Variants in RXFP1 observed in about 807,000 individuals in gnomAD.
RXFP1 encodes the protein relaxin receptor 1.
In RXFP1, 73 loss-of-function variants were observed where a neutral mutation model predicts 89.8. The ratio of observed to expected loss-of-function variants is 0.81; its 90% CI spans 0.67 to 0.99. The LOEUF is 0.99. RXFP1 is among the 50% of genes least tolerant of loss of function. The probability of loss-of-function intolerance (pLI) is 0.00; values close to 1 mark genes in which losing one functional copy is unlikely to be tolerated. For synonymous variants in RXFP1, 277 were observed against 305.5 expected, an observed-to-expected ratio of 0.91 and a Z score of 0.97; for missense variants, 793 against 895.5, an observed-to-expected ratio of 0.89 and a Z score of 1.46.
intron 2 of RXFP1, among the ~76,000 whole-genome samples, chr4:158,575,419 G>A (rs567766961): frequency 2.6e-4 from 40 of 152,254 alleles, no homozygotes; most frequent in Non-Finnish European, 4.7e-4. Context: ...TAATGTATCC[G>A]AGATGCTTAG....
Position 158,626,800 on chromosome 4 carries a change from G to T in RXFP1, c.756-20G>T. On this transcript the variant is annotated intron_variant, in intron 9 of 17. Transcript: ENST00000307765. ...TCCATGATTAAGATTTAGCTGTATCGTTTTATTTTTATGTTCCAGGGACCT... is the reference window on the plus strand; with the variant it reads ...TCCATGATTAAGATTTAGCTGTATCTTTTTATTTTTATGTTCCAGGGACCT... 6.9e-7 allele frequency: 1 copy of T among 1,447,684 alleles called. No individual in the cohort carries two copies. The highest frequency in any genetic ancestry group is 2.4e-5 in the East Asian group (1 of 42,268). The allele number at this position is 1,447,684 out of a possible 1,614,324, so 89.7% of individuals were successfully genotyped here.
At chr4:158,602,534 T>G (rs1464297278) in intron 4 of RXFP1, among the ~76,000 whole-genome samples, 1 of 150,184 alleles carries the variant, frequency 6.7e-6, no homozygotes, top group Non-Finnish European at 1.5e-5. Context: ...TAAATAAATG[T>G]TATTGAAATG....
chr4:158,649,790 T>G (rs1772297464), intron 17 of RXFP1, among the ~76,000 whole-genome samples: 2 of 152,320 alleles, frequency 1.3e-5, no homozygotes, highest in South Asian at 4.1e-4. Flanking sequence ...GAAGACAATA[T>G]GGCAGTCCCT....
intron 15 of RXFP1, 174 bp from the exon 16 acceptor site, chr4:158,646,617 G>C (rs1020700122): frequency 3.5e-6 from 5 of 1,408,546 alleles, no homozygotes; most frequent in Middle Eastern, 2.0e-4. Context: ...TTACCAAAGA[G>C]AGTCTATGAA....
At chr4:158,626,316 G>A (rs1201552157) in intron 9 of RXFP1, among the ~76,000 whole-genome samples, 1 of 152,024 alleles carries the variant, frequency 6.6e-6, no homozygotes, top group Non-Finnish European at 1.5e-5. Context: ...AAAGATTATT[G>A]AGGATTTTTT....
rs193030688 is a variant in RXFP1 at position 158,591,609 on chromosome 4, C to T, written c.188-1792C>T. On this transcript the variant is annotated intron_variant, in intron 2 of 17. Transcript: ENST00000307765. Reference sequence around the variant, plus strand: ...ACAAAAAAAAAAAAAAAAAATTAGTCGTGGTGGTGCACCCCTATAATCCCA... The same window carrying T: ...ACAAAAAAAAAAAAAAAAAATTAGTTGTGGTGGTGCACCCCTATAATCCCA... Among the ~76,000 whole-genome samples, 620 of 150,222 alleles carry T rather than the reference C, an allele frequency of 4.1e-3. 4 individuals carry two copies. The highest frequency in any genetic ancestry group is 6.4e-3 in the Non-Finnish European group (433 of 67,704).
At chr4:158,602,353 A>G (rs1480273613) in intron 4 of RXFP1, among the ~76,000 whole-genome samples, 2 of 152,160 alleles carry the variant, frequency 1.3e-5, no homozygotes, top group Non-Finnish European at 2.9e-5. Flanking sequence ...CTTCAAGTGC[A>G]GTTAACCTCT....
chr4:158,645,876 T>C (rs1771449679), intron 15 of RXFP1, among the ~76,000 whole-genome samples: 1 of 152,134 alleles, frequency 6.6e-6, no homozygotes, highest in Non-Finnish European at 1.5e-5. Flanking sequence ...TTTTTTTTTA[T>C]TGCAAGCTAT....
intron 12 of RXFP1, among the ~76,000 whole-genome samples, chr4:158,635,382 T>C (rs1336637858): frequency 1.3e-5 from 2 of 152,238 alleles, no homozygotes; most frequent in Non-Finnish European, 2.9e-5. Flanking sequence ...CCAGGAATGT[T>C]GATGAATGTT....
intron 2 of RXFP1, among the ~76,000 whole-genome samples, chr4:158,578,170 G>A (rs145765771): frequency 1.5e-3 from 221 of 152,246 alleles, no homozygotes; most frequent in African/African-American, 5.0e-3. Flanking sequence ...CTTCAGTATA[G>A]AAATGTATAG....
At chr4:158,583,581 T>C (rs1294293330) in intron 2 of RXFP1, among the ~76,000 whole-genome samples, 2 of 152,206 alleles carry the variant, frequency 1.3e-5, no homozygotes, top group African/African-American at 4.8e-5. Context: ...TAATGCACAA[T>C]CATGCATTGT....
chr4:158,617,182 A>G lies in RXFP1; in HGVS notation c.732A>G (p.Gln244=). 2 of 1,611,110 alleles carry G rather than the reference A, an allele frequency of 1.2e-6. No individual in the cohort carries two copies. Among genetic ancestry groups the G allele is most frequent in the Non-Finnish European group, 1.7e-6 (2 of 1,178,446 alleles). The change falls in exon 9 of 18, where the codon CAA becomes CAG. Residue 244 remains glutamine (Q), a synonymous_variant. Coordinates refer to ENST00000307765, the MANE Select transcript of RXFP1 (RefSeq NM_021634.4). ...LTRLPDKPLC[Q]HMPRLHWLDL... ...GTTTACCTGATAAACCTCTCTGTCA[A>G]CACATGCCAAGACTACATTGGCTGT... is the stretch of plus-strand genomic sequence containing the variant.
intron 9 of RXFP1, among the ~76,000 whole-genome samples, chr4:158,624,121 T>C (rs897631667): frequency 1.3e-5 from 2 of 152,224 alleles, no homozygotes; most frequent in African/African-American, 4.8e-5. Flanking sequence ...TTCACCAAAA[T>C]TGACCATATA....
At chr4:158,549,492 G>C (rs1018960593) in intron 1 of RXFP1, among the ~76,000 whole-genome samples, 1 of 152,206 alleles carries the variant, frequency 6.6e-6, no homozygotes, top group African/African-American at 2.4e-5. Context: ...CGTTGCTAGT[G>C]AGGAGCTGCG....
chr4:158,591,326 A>G (rs577566821), intron 2 of RXFP1, among the ~76,000 whole-genome samples: 1 of 152,252 alleles, frequency 6.6e-6, no homozygotes, highest in East Asian at 1.9e-4. Flanking sequence ...TCTCTGCCTA[A>G]CATATCAACT....
chr4:158,553,672 G>A (rs1002179985), intron 1 of RXFP1, among the ~76,000 whole-genome samples: 2 of 152,160 alleles, frequency 1.3e-5, no homozygotes, highest in Admixed American at 6.6e-5. Flanking sequence ...ACACAGAAAG[G>A]CAGGGGAAGG....
intron 1 of RXFP1, among the ~76,000 whole-genome samples, chr4:158,558,986 G>A (rs1226971639): frequency 1.3e-5 from 2 of 152,154 alleles, no homozygotes; most frequent in African/African-American, 4.8e-5. Flanking sequence ...TTTAAACAAA[G>A]CTGGAAAGAT....
intron 14 of RXFP1, among the ~76,000 whole-genome samples, chr4:158,640,343 G>A (rs1369323757): frequency 1.3e-5 from 2 of 152,186 alleles, no homozygotes; most frequent in Non-Finnish European, 2.9e-5. Context: ...TACTACAAAG[G>A]AATATCGGAG....
At chr4:158,576,669 C>T (rs907019514) in intron 2 of RXFP1, among the ~76,000 whole-genome samples, 3 of 152,084 alleles carry the variant, frequency 2.0e-5, no homozygotes, top group Non-Finnish European at 2.9e-5. Context: ...CTAACTTGCT[C>T]ACAAACTCCA....
Sources: allele counts gnomAD v4.1 joint callset (sites outside exome capture counted in the v4.1 genomes callset), GRCh38; gene constraint gnomAD v4.1.1; transcripts MANE v1.5; gene names NCBI Gene and HGNC (gene_info 2026-07-23, HGNC 2026-07-21).